AMN1: variants seen among roughly 807,000 people sequenced by gnomAD.
The protein encoded by AMN1 is antagonist of mitotic exit network 1 homolog, also known as protein AMN1 homolog.
In AMN1, 20 loss-of-function variants were observed where a neutral mutation model predicts 33.0. The observed-to-expected ratio is 0.61, with a 90% CI of 0.43 to 0.88. The LOEUF (loss-of-function observed/expected upper bound fraction) is 0.88. Ranked by LOEUF, AMN1 falls within the 40% of genes least tolerant of loss-of-function variation. The pLI is 0.00. For missense variants in AMN1, 246 were observed against 307.4 expected (o/e 0.80, Z 1.49); for synonymous variants, 114 against 111.9 (o/e 1.02, Z -0.12).
intron 5 of AMN1, 79 bp from the exon 6 acceptor site, chr12:31,689,197 C>A: frequency 2.1e-6 from 2 of 969,682 alleles, no homozygotes; most frequent in South Asian, 1.6e-5. Context: ...GAGAAACATT[C>A]TGATACAAAA....
At chr12:31,706,946 G>C (rs1316229697) in intron 2 of AMN1, among the ~76,000 whole-genome samples, 1 of 152,058 alleles carries the variant, frequency 6.6e-6, no homozygotes, top group Non-Finnish European at 1.5e-5. Context: ...TTAGAACAGA[G>C]AGGCCAAATA....
upstream of AMN1, chr12:31,729,148 C>A (rs1940207672): frequency 2.1e-6 from 2 of 945,676 alleles, no homozygotes; most frequent in African/African-American, 3.3e-5. Flanking sequence ...GGGGCGTGGC[C>A]ACGCTTCGGA....
At chr12:31,676,225 T>A (rs2139649948) in intron 6 of AMN1, among the ~76,000 whole-genome samples, 1 of 151,800 alleles carries the variant, frequency 6.6e-6, no homozygotes, top group Middle Eastern at 3.4e-3. Flanking sequence ...GAAGGCTTAA[T>A]ATTATTAAGA....
At chr12:31,692,228 G>A (rs1030434376) in intron 5 of AMN1, among the ~76,000 whole-genome samples, 28 of 151,600 alleles carry the variant, frequency 1.8e-4, no homozygotes, top group East Asian at 5.9e-4. Context: ...AGGCCAAGGC[G>A]GGCAGATCAC....
At chr12:31,726,708 CA>C (rs1424398763) in intron 1 of AMN1, among the ~76,000 whole-genome samples, 1 of 152,142 alleles carries the variant, frequency 6.6e-6, no homozygotes, top group African/African-American at 2.4e-5. Context: ...TGTTACAAAC[CA>C]GAAATAGCTT....
At chr12:31,722,931 C>G (rs2139732595) in intron 1 of AMN1, among the ~76,000 whole-genome samples, 1 of 152,172 alleles carries the variant, frequency 6.6e-6, no homozygotes, top group South Asian at 2.1e-4. Context: ...CTGAGGCAAG[C>G]AGATCACCTG....
In AMN1 at chr12:31,689,123, G is replaced by A; in HGVS notation, c.592-5C>T. The A allele has an allele frequency of 6.3e-7, 1 of 1,586,022 alleles. No individual in the cohort carries two copies. The highest frequency in any genetic ancestry group is 8.6e-7 in the Non-Finnish European group (1 of 1,158,404). ...ACAATGTCCCATATGAATCTCCTAT[G>A]CAAAAATAAAGAAAATAAAGTCAAA... On this transcript the variant is annotated splice_polypyrimidine_tract_variant and splice_region_variant and intron_variant, in intron 5 of 6. Coordinates refer to ENST00000281471, the MANE Select transcript of AMN1 (RefSeq NM_001113402.2).
At chr12:31,721,543 A>G (rs1490466066) in intron 1 of AMN1, among the ~76,000 whole-genome samples, 3 of 152,216 alleles carry the variant, frequency 2.0e-5, no homozygotes, top group Admixed American at 6.5e-5. Context: ...GAAAAAGGCA[A>G]CCAAATGCAA....
chr12:31,709,767 T>C (rs1939396649), intron 1 of AMN1, among the ~76,000 whole-genome samples: 1 of 152,148 alleles, frequency 6.6e-6, no homozygotes, highest in Admixed American at 6.5e-5. Context: ...AGGTCGAGAC[T>C]GCAGTGAGCT....
intron 6 of AMN1, among the ~76,000 whole-genome samples, chr12:31,677,095 G>A (rs7308889): frequency 0.074 from 11,086 of 149,334 alleles, 696 homozygotes; most frequent in East Asian, 0.28. Context: ...TCAGGAGATC[G>A]AGACTATCCT....
chr12:31,714,201 A>G (rs1939583460), intron 1 of AMN1, among the ~76,000 whole-genome samples: 1 of 152,190 alleles, frequency 6.6e-6, no homozygotes, highest in Admixed American at 6.5e-5. Flanking sequence ...GCAGGAAAGC[A>G]TTAGAATACA....
chr12:31,717,896 AG>A (rs1939738593), intron 1 of AMN1, among the ~76,000 whole-genome samples: 1 of 151,420 alleles, frequency 6.6e-6, no homozygotes, highest in African/African-American at 2.4e-5. Flanking sequence ...GACAGGCCCC[AG>A]TGTGTGATGT....
At chr12:31,723,112 C>T (rs577581696) in intron 1 of AMN1, among the ~76,000 whole-genome samples, 52 of 151,818 alleles carry the variant, frequency 3.4e-4, no homozygotes, top group African/African-American at 1.1e-3. Flanking sequence ...GAGCTGAGAT[C>T]GGGCCACTGC....
chr12:31,699,567 G>A lies in AMN1; in HGVS notation c.317-1610C>T, dbSNP rs534072251. Among the ~76,000 whole-genome samples, 21 of 152,172 alleles carry A rather than the reference G, an allele frequency of 1.4e-4. No homozygotes were observed. In the South Asian group the frequency reaches 2.5e-3, roughly 18 times the overall value. ...ACTCCATGGGGACAGGGGCTCCTGC[G>A]CTTCCAGACCTCACCCTATGTACTC... On this transcript the variant is annotated intron_variant, in intron 3 of 6. Coordinates refer to ENST00000281471, the MANE Select transcript of AMN1 (RefSeq NM_001113402.2).
intron 2 of AMN1, 200 bp downstream of exon 2, chr12:31,709,093 T>A (rs1359955031): frequency 3.1e-6 from 2 of 642,854 alleles, no homozygotes; most frequent in Non-Finnish European, 5.7e-6. Flanking sequence ...AGGGATCACC[T>A]AAGTCCAGGC....
At position 31,709,445 on chromosome 12, in the gene AMN1, T is replaced by C. The variant is rs576754326; in HGVS notation, c.39-20A>G. Reference sequence around the variant, plus strand: ...AGGCATCTGAAATACAAATACAATATAGTAAATCACACTGGGCCTGTACTG... The same window carrying C: ...AGGCATCTGAAATACAAATACAATACAGTAAATCACACTGGGCCTGTACTG... On this transcript the variant is annotated intron_variant, in intron 1 of 6. Coordinates refer to ENST00000281471, the MANE Select transcript of AMN1 (RefSeq NM_001113402.2). 151 of 1,599,258 alleles carry C rather than the reference T, an allele frequency of 9.4e-5. No homozygotes were observed. The highest frequency in any genetic ancestry group is 1.2e-4 in the Non-Finnish European group (140 of 1,171,456).
chr12:31,704,967 A>G (rs781147263), intron 2 of AMN1, among the ~76,000 whole-genome samples: 6 of 152,212 alleles, frequency 3.9e-5, no homozygotes, highest in Non-Finnish European at 7.3e-5. Context: ...TGGTTCATCT[A>G]TGAGTCACAT....
At chr12:31,695,756 G>A (rs139244716) in intron 5 of AMN1, among the ~76,000 whole-genome samples, 1,831 of 151,100 alleles carry the variant, frequency 0.012, 37 homozygotes, top group African/African-American at 0.042. Flanking sequence ...CAAAGTGCTG[G>A]GATTATAGGC....
At chr12:31,697,330 A>C (rs1311715363) in intron 5 of AMN1, 31 bp downstream of exon 5, 1 of 1,575,086 alleles carries the variant, frequency 6.3e-7, no homozygotes, top group East Asian at 2.2e-5. Context: ...AAATTTAATC[A>C]CCACCATCTT....
Sources: gnomAD v4.1 joint callset for allele counts (sites outside exome capture counted in the v4.1 genomes callset) on GRCh38, gnomAD v4.1.1 for gene constraint, MANE v1.5 for transcripts, NCBI Gene and HGNC (gene_info 2026-07-23, HGNC 2026-07-21) for gene names.